CDK19: variants seen among roughly 807,000 people sequenced by gnomAD.
The protein encoded by CDK19 is cyclin-dependent kinase 19.
A neutral mutation model predicts 68.3 loss-of-function variants in CDK19; 20 were observed. The observed-to-expected ratio is 0.29, with a 90% confidence interval of 0.21 to 0.43. The LOEUF (loss-of-function observed/expected upper bound fraction) is 0.43. Ranked by LOEUF, CDK19 falls within the 20% of genes least tolerant of loss-of-function variation. The probability of loss-of-function intolerance (pLI) is 1.00; values close to 1 mark genes in which losing one functional copy is unlikely to be tolerated. For missense variants in CDK19, 339 were observed against 623.5 expected (o/e 0.54, Z 4.86); for synonymous variants, 221 against 222.8 (o/e 0.99, Z 0.07).
intron 2 of CDK19, among the ~76,000 whole-genome samples, chr6:110,709,666 G>A (rs1392887416): frequency 6.6e-6 from 1 of 152,082 alleles, no homozygotes; most frequent in African/African-American, 2.4e-5. Context: ...AAGGAAAAAT[G>A]TATTTTCCAT....
At chr6:110,641,578 G>A (rs1443693722) in intron 4 of CDK19, among the ~76,000 whole-genome samples, 1 of 130,938 alleles carries the variant, frequency 7.6e-6, no homozygotes, top group Non-Finnish European at 1.6e-5. Context: ...CTGGGCAACA[G>A]AGTGAGACTC....
At chr6:110,810,887 ATTTT>A (rs572262116) in intron 1 of CDK19, among the ~76,000 whole-genome samples, 1 of 150,986 alleles carries the variant, frequency 6.6e-6, no homozygotes, top group Non-Finnish European at 1.5e-5. Flanking sequence ...CCTTTTCCAT[ATTTT>A]TTTTTGGTAT....
At chr6:110,736,457 A>G (rs1777260625) in intron 2 of CDK19, among the ~76,000 whole-genome samples, 1 of 152,192 alleles carries the variant, frequency 6.6e-6, no homozygotes, top group Admixed American at 6.5e-5. Context: ...ATACAACCCC[A>G]AGTCTATCTG....
At chr6:110,728,868 G>C (rs1482365763) in intron 2 of CDK19, among the ~76,000 whole-genome samples, 10 of 152,140 alleles carry the variant, frequency 6.6e-5, no homozygotes, top group Non-Finnish European at 1.3e-4. Flanking sequence ...ATGCCCTAAA[G>C]TTAGATAATC....
At chr6:110,758,410 A>C (rs1416438315) in intron 1 of CDK19, among the ~76,000 whole-genome samples, 2 of 151,988 alleles carry the variant, frequency 1.3e-5, no homozygotes, top group African/African-American at 4.8e-5. Flanking sequence ...TTTGTTCAAT[A>C]CTCTCTCAAG....
intron 1 of CDK19, among the ~76,000 whole-genome samples, chr6:110,787,293 G>T (rs1781290251): frequency 6.6e-6 from 1 of 152,166 alleles, no homozygotes; most frequent in African/African-American, 2.4e-5. Flanking sequence ...AGAATCGTTT[G>T]AACCTGGGAG....
chr6:110,740,493 G>A (rs1285124997), intron 2 of CDK19, among the ~76,000 whole-genome samples: 2 of 152,166 alleles, frequency 1.3e-5, no homozygotes, highest in Admixed American at 6.5e-5. Flanking sequence ...AAATTAAAAC[G>A]TGACATGACA....
intron 1 of CDK19, among the ~76,000 whole-genome samples, chr6:110,795,696 A>C (rs1781890308): frequency 6.6e-6 from 1 of 152,238 alleles, no homozygotes. Flanking sequence ...ATTAAGGACC[A>C]AGATTTAGAC....
At chr6:110,768,544 T>A (rs1583057212) in intron 1 of CDK19, among the ~76,000 whole-genome samples, 1 of 152,188 alleles carries the variant, frequency 6.6e-6, no homozygotes, top group African/African-American at 2.4e-5. Flanking sequence ...AGAACATTAT[T>A]CAGCACTAAA....
At chr6:110,813,423 C>T (rs964046978) in intron 1 of CDK19, 6 of 152,146 alleles carry the variant, frequency 3.9e-5, no homozygotes, top group African/African-American at 4.8e-5. Flanking sequence ...AATGTCCAAA[C>T]GGAAAACTGG....
intron 4 of CDK19, among the ~76,000 whole-genome samples, chr6:110,657,264 T>C (rs1242515750): frequency 1.3e-5 from 2 of 152,166 alleles, no homozygotes; most frequent in Non-Finnish European, 2.9e-5. Flanking sequence ...GAACAGTACT[T>C]AACTGATTAT....
chr6:110,715,146 A>G (rs1415178556), intron 2 of CDK19, among the ~76,000 whole-genome samples: 1 of 152,160 alleles, frequency 6.6e-6, no homozygotes, highest in African/African-American at 2.4e-5. Flanking sequence ...TCAAGTCTGC[A>G]GACTGGTTTT....
At chr6:110,809,257 G>A (rs941197376) in intron 1 of CDK19, among the ~76,000 whole-genome samples, 2 of 151,820 alleles carry the variant, frequency 1.3e-5, no homozygotes, top group African/African-American at 4.8e-5. Context: ...ACTCATGTCT[G>A]TAATCCCAGC....
intron 2 of CDK19, 50 bp from the exon 3 acceptor site, chr6:110,670,591 G>A (rs1211939804): frequency 1.4e-5 from 15 of 1,059,338 alleles, no homozygotes; most frequent in Non-Finnish European, 2.2e-5. Flanking sequence ...CAAGGAGGGG[G>A]AAATGATGAA....
At chr6:110,686,076 T>C (rs564514437) in intron 2 of CDK19, among the ~76,000 whole-genome samples, 1 of 151,798 alleles carries the variant, frequency 6.6e-6, no homozygotes, top group Admixed American at 6.6e-5. Flanking sequence ...CAGATAGCAA[T>C]GGGAAAAAAA....
Position 110,728,572 on chromosome 6 carries a change from T to TAAAA in CDK19, c.204+17550_204+17553dup, listed in dbSNP as rs11378068. On this transcript the variant is annotated intron_variant, in intron 2 of 12. Transcript: ENST00000368911. ...TCTATTGATACCATAGTCAGAGTGGTAAAAAAAAAAAAACTAATTTGACTG... is the reference window on the plus strand; with the variant it reads ...TCTATTGATACCATAGTCAGAGTGGTAAAAAAAAAAAAAAAAACTAATTTGACTG... Among the ~76,000 whole-genome samples the TAAAA allele has an allele frequency of 4.2e-3, 614 of 144,714 alleles. 39 individuals carry two copies. In the South Asian group the frequency reaches 0.12, roughly 27 times the overall value. 94.9% of individuals were successfully genotyped at this position (144,714 alleles called of 152,430 possible).
chr6:110,681,049 GA>G (rs1345082567), intron 2 of CDK19, among the ~76,000 whole-genome samples: 2 of 151,354 alleles, frequency 1.3e-5, no homozygotes, highest in Non-Finnish European at 2.9e-5. Context: ...ATAAATAACA[GA>G]AAATGGGCTG....
chr6:110,653,895 G>A (rs1277131519), intron 4 of CDK19, among the ~76,000 whole-genome samples: 2 of 152,098 alleles, frequency 1.3e-5, no homozygotes, highest in Non-Finnish European at 2.9e-5. Flanking sequence ...GAGTAGCACA[G>A]CCTAAAGATA....
intron 6 of CDK19, among the ~76,000 whole-genome samples, chr6:110,628,116 C>A (rs971038822): frequency 3.3e-5 from 5 of 152,066 alleles, no homozygotes; most frequent in Admixed American, 2.0e-4. Flanking sequence ...GAGGCAGATG[C>A]AGAAGAATCT....
Sources: allele counts gnomAD v4.1 joint callset (sites outside exome capture counted in the v4.1 genomes callset), GRCh38; gene constraint gnomAD v4.1.1; transcripts MANE v1.5; gene names NCBI Gene and HGNC (gene_info 2026-07-23, HGNC 2026-07-21).